The following EXT2 variants were observed in gnomAD, a reference collection of about 807,000 sequenced individuals.
The protein encoded by EXT2 is exostosin-2.
In EXT2, 53 loss-of-function variants were observed where a neutral mutation model predicts 81.6. The ratio of observed to expected loss-of-function variants is 0.65; its 90% CI spans 0.52 to 0.82. EXT2 has a LOEUF of 0.82. EXT2 is among the 40% of genes least tolerant of loss of function. EXT2 has a pLI of 0.00. For missense variants in EXT2, 774 were observed against 910.2 expected (o/e 0.85, Z 1.93); for synonymous variants, 320 against 340.0 (o/e 0.94, Z 0.65).
intron 7 of EXT2, among the ~76,000 whole-genome samples, chr11:44,149,917 A>C (rs1954770845): frequency 6.6e-6 from 1 of 152,168 alleles, no homozygotes; most frequent in African/African-American, 2.4e-5. Flanking sequence ...GTAATAATAG[A>C]TTTAGAACTC....
At chr11:44,140,768 T>C (rs778952504) in intron 7 of EXT2, among the ~76,000 whole-genome samples, 1 of 152,228 alleles carries the variant, frequency 6.6e-6, no homozygotes, top group Non-Finnish European at 1.5e-5. Flanking sequence ...AAGAGGTTAG[T>C]AGTGATAAGC....
chr11:44,186,831 G>T (rs1445071954), intron 8 of EXT2, among the ~76,000 whole-genome samples: 4 of 152,114 alleles, frequency 2.6e-5, no homozygotes, highest in African/African-American at 9.7e-5. Context: ...GATAATGATA[G>T]CTTCAGAAGA....
rs979539566 is a variant in EXT2 at position 44,239,517 on chromosome 11, C to T, written c.2018+3142C>T. ...AAGTGATTCTCCTGCCTCCACCTCC[C>T]GAGCAGCTGGGACTACAGGCACGTG... On this transcript the variant is annotated intron_variant, in intron 13 of 13. Coordinates refer to ENST00000533608, the MANE Select transcript of EXT2 (RefSeq NM_207122.2). 4.0e-5 allele frequency among the ~76,000 whole-genome samples: 6 copies of T among 151,456 alleles called. 1 individual carries two copies. Among genetic ancestry groups the T allele is most frequent in the East Asian group, 2.0e-4 (1 of 5,106 alleles).
chr11:44,198,132 A>ACATTTTTCT, intron 9 of EXT2, 114 bp downstream of exon 9: 1 of 1,057,184 alleles, frequency 9.5e-7, no homozygotes, highest in East Asian at 2.6e-5. Flanking sequence ...CATTTCTGAG[A>ACATTTTTCT]CAGCATGCCT....
chr11:44,251,689 GA>G lies in EXT2; in HGVS notation c.*7405del, dbSNP rs1271153103. Among the ~76,000 whole-genome samples the G allele has an allele frequency of 6.6e-6, 1 of 152,146 alleles. No homozygotes were observed. Among genetic ancestry groups the G allele is most frequent in the Non-Finnish European group, 1.5e-5 (1 of 68,008 alleles). On this transcript the variant is annotated 3_prime_UTR_variant, in exon 14 of 14. Coordinates refer to ENST00000533608, the MANE Select transcript of EXT2 (RefSeq NM_207122.2). The stretch of plus-strand genomic sequence containing the variant: ...TTTACTTCCAGAGAAAGGACCAGAA[GA>G]AAGTAAATTTTCATTTATGTTTTTA...
In EXT2 at chr11:44,198,028, C is replaced by A; in HGVS notation, c.1495+10C>A. 1.9e-6 allele frequency: 3 copies of A among 1,613,902 alleles called. No homozygotes were observed. The highest frequency in any genetic ancestry group is 2.5e-6 in the Non-Finnish European group (3 of 1,179,840). On this transcript the variant is annotated intron_variant, in intron 9 of 13. Transcript: ENST00000533608. ...AAAAACCCTCCAGAAGGTAAGAAGC[C>A]TTAGTGCCTCTCTCAGCTGGATCAA...
chr11:44,238,856 T>C (rs938249213), intron 13 of EXT2, among the ~76,000 whole-genome samples: 10 of 152,198 alleles, frequency 6.6e-5, no homozygotes, highest in African/African-American at 2.4e-4. Context: ...GAGCTTAGAA[T>C]GCTGGCCTAT....
intron 7 of EXT2, among the ~76,000 whole-genome samples, chr11:44,157,348 C>T (rs1229502220): frequency 1.3e-5 from 2 of 152,174 alleles, no homozygotes; most frequent in Admixed American, 1.3e-4. Context: ...AAGTCATGAC[C>T]AGAAATGCCA....
intron 10 of EXT2, 54 bp from the exon 11 acceptor site, chr11:44,232,299 T>A: frequency 1.2e-6 from 2 of 1,610,904 alleles, no homozygotes; most frequent in Non-Finnish European, 1.7e-6. Context: ...AACTCAGCAC[T>A]GAATGGTTGC....
chr11:44,138,578 T>A (rs190724974), intron 7 of EXT2, among the ~76,000 whole-genome samples: 1 of 152,012 alleles, frequency 6.6e-6, no homozygotes, highest in Non-Finnish European at 1.5e-5. Context: ...AATAGGAAAC[T>A]ATTAGAGAGC....
intron 8 of EXT2, among the ~76,000 whole-genome samples, chr11:44,188,277 C>T (rs1955344114): frequency 6.6e-6 from 1 of 152,164 alleles, no homozygotes; most frequent in Admixed American, 6.5e-5. Flanking sequence ...CCTGGTAACT[C>T]TGTGAAGTAA....
intron 5 of EXT2, among the ~76,000 whole-genome samples, chr11:44,126,522 CGTT>C (rs1954406942): frequency 6.6e-6 from 1 of 152,190 alleles, no homozygotes; most frequent in Non-Finnish European, 1.5e-5. Context: ...CAGGAAGTCA[CGTT>C]GTTAGCTGTC....
intron 8 of EXT2, among the ~76,000 whole-genome samples, chr11:44,182,516 G>A (rs76297382): frequency 0.017 from 2,604 of 151,716 alleles, 76 homozygotes; most frequent in African/African-American, 0.06. Context: ...AACTTTTTAC[G>A]TTGACATATT....
At chr11:44,179,016 G>A (rs939491677) in intron 8 of EXT2, among the ~76,000 whole-genome samples, 1 of 152,068 alleles carries the variant, frequency 6.6e-6, no homozygotes, top group Non-Finnish European at 1.5e-5. Context: ...AGCAGCCAGG[G>A]AATAAGGAAA....
rs190830345 is a variant in EXT2, at chr11:44,232,915, T to C, written c.1806+419T>C. Among the ~76,000 whole-genome samples, 24 of 152,340 alleles carry C rather than the reference T, an allele frequency of 1.6e-4. No homozygotes were observed. The East Asian group carries it at 4.2e-3, about 27-fold the overall frequency. On this transcript the variant is annotated intron_variant, in intron 11 of 13. Transcript: ENST00000533608. Reference sequence around the variant, plus strand: ...CTTGTTAGCATAATTAAGATACCATTATCTTAATGTTTTAGAAGTCATGTA... The same window carrying C: ...CTTGTTAGCATAATTAAGATACCATCATCTTAATGTTTTAGAAGTCATGTA...
rs1955877854 is a variant in EXT2, at chr11:44,229,799, A to C, written c.1663-2554A>C. ...GGTAAATATTTTCTCTGAAGAAAAG[A>C]GAAGGATTTTTGGTCCCCTTCATTC... On this transcript the variant is annotated intron_variant, in intron 10 of 13. Coordinates refer to ENST00000533608, the MANE Select transcript of EXT2 (RefSeq NM_207122.2). Among the ~76,000 whole-genome samples, 4 of 152,322 alleles carry C rather than the reference A, an allele frequency of 2.6e-5. No homozygotes were observed. In the South Asian group the frequency reaches 8.3e-4, roughly 32 times the overall value.
chr11:44,195,417 A>G (rs1955443726), intron 8 of EXT2, among the ~76,000 whole-genome samples: 1 of 138,814 alleles, frequency 7.2e-6, no homozygotes, highest in South Asian at 2.5e-4. Flanking sequence ...CTGGGCAACG[A>G]GTGAAACTCT....
At chr11:44,122,927 G>A (rs115425720) in intron 4 of EXT2, among the ~76,000 whole-genome samples, 526 of 152,270 alleles carry the variant, frequency 3.5e-3, no homozygotes, top group African/African-American at 0.012. Flanking sequence ...ATGGCCTCAC[G>A]TGGCTAGTTG....
intron 12 of EXT2, 85 bp from the exon 13 acceptor site, chr11:44,236,208 C>A: frequency 2.5e-6 from 3 of 1,205,408 alleles, no homozygotes; most frequent in Non-Finnish European, 3.7e-6. Context: ...GCTTACAACA[C>A]AAAAGAATGC....
Sources: gnomAD v4.1 joint callset for allele counts (sites outside exome capture counted in the v4.1 genomes callset) on GRCh38, gnomAD v4.1.1 for gene constraint, MANE v1.5 for transcripts, NCBI Gene and HGNC (gene_info 2026-07-23, HGNC 2026-07-21) for gene names.